RFT1: variants seen among roughly 807,000 people sequenced by gnomAD.
The protein encoded by RFT1 is RFT1 glycolipid translocator homolog, also known as man(5)GlcNAc(2)-PP-dolichol translocation protein RFT1.
RFT1 carries 43 observed loss-of-function variants against 62.2 expected under a neutral mutation model. That is an observed-to-expected ratio of 0.69 (90% confidence interval 0.54 to 0.89). The LOEUF (loss-of-function observed/expected upper bound fraction) is 0.89, where lower values mean the gene tolerates loss of function less well. RFT1 is among the 40% of genes least tolerant of loss of function. RFT1 has a pLI of 0.00. For synonymous variants in RFT1, 262 were observed against 264.6 expected, an observed-to-expected ratio of 0.99 and a Z score of 0.10; for missense variants, 605 against 649.9, an observed-to-expected ratio of 0.93 and a Z score of 0.75.
intron 11 of RFT1, among the ~76,000 whole-genome samples, chr3:53,096,400 G>A (rs1701139197): frequency 6.6e-6 from 1 of 151,938 alleles, no homozygotes; most frequent in Non-Finnish European, 1.5e-5. Flanking sequence ...AAAGCAACCA[G>A]GCCGGGCACG....
chr3:53,081,716 T>C, the RFT1 span, among the ~76,000 whole-genome samples: 1 of 152,326 alleles, frequency 6.6e-6, no homozygotes, highest in East Asian at 1.9e-4. Flanking sequence ...TCAGGGACCC[T>C]GGGATATACA....
the RFT1 span, among the ~76,000 whole-genome samples, chr3:53,068,254 C>T: frequency 1.3e-5 from 2 of 151,800 alleles, no homozygotes; most frequent in Non-Finnish European, 2.9e-5. Flanking sequence ...CTCCAAGCAC[C>T]AGCCCTGTCT....
downstream of RFT1, among the ~76,000 whole-genome samples, chr3:53,084,518 C>T (rs369520020): frequency 1.1e-4 from 17 of 152,328 alleles, no homozygotes; most frequent in African/African-American, 3.6e-4. Flanking sequence ...AAACATGCTG[C>T]TCAGTTGTCA....
At chr3:53,129,724 CATGTA>C (rs1702205097) in intron 1 of RFT1, among the ~76,000 whole-genome samples, 1 of 152,162 alleles carries the variant, frequency 6.6e-6, no homozygotes, top group Admixed American at 6.5e-5. Flanking sequence ...ATGCAGCCAA[CATGTA>C]TTAAATGCAT....
chr3:53,075,213 C>T, the RFT1 span, among the ~76,000 whole-genome samples: 3 of 152,328 alleles, frequency 2.0e-5, no homozygotes, highest in African/African-American at 7.2e-5. Context: ...GCCATGACAA[C>T]CACATACTTT....
chr3:53,077,046 A>C, the RFT1 span, among the ~76,000 whole-genome samples: 1 of 152,188 alleles, frequency 6.6e-6, no homozygotes, highest in Non-Finnish European at 1.5e-5. Context: ...GTATTGCTCA[A>C]CCTTAAAACT....
chr3:53,107,946 T>C (rs1398771157), intron 7 of RFT1, among the ~76,000 whole-genome samples: 1 of 152,208 alleles, frequency 6.6e-6, no homozygotes, highest in Non-Finnish European at 1.5e-5. Context: ...CCACTGTGTT[T>C]GTGGTAGGGA....
At chr3:53,121,903 G>A (rs1279241926) in intron 4 of RFT1, 103 bp from the exon 5 acceptor site, 5 of 915,544 alleles carry the variant, frequency 5.5e-6, no homozygotes, top group Admixed American at 4.0e-5. Context: ...CCCTGGCTGT[G>A]GGGGCAGGGC....
At chr3:53,103,776 T>C (rs1353133431) in intron 10 of RFT1, 177 bp downstream of exon 10, 1 of 776,914 alleles carries the variant, frequency 1.3e-6, no homozygotes, top group African/African-American at 1.7e-5. Flanking sequence ...CCCCTGCCTA[T>C]ACCTTGAGTG....
chr3:53,079,022 G>C, the RFT1 span, among the ~76,000 whole-genome samples: 1 of 152,212 alleles, frequency 6.6e-6, no homozygotes, highest in East Asian at 1.9e-4. Context: ...ATACAGTTCC[G>C]GGCTCTCCAG....
chr3:53,110,041 G>C (rs1178853593), intron 7 of RFT1, among the ~76,000 whole-genome samples: 1 of 152,122 alleles, frequency 6.6e-6, no homozygotes, highest in Admixed American at 6.5e-5. Flanking sequence ...CATTCAGGTC[G>C]AGCTCTGGAG....
rs144023531 is a variant in RFT1, at chr3:53,118,755, G to A, written c.696+1129C>T. On this transcript the variant is annotated intron_variant, in intron 6 of 12. Coordinates refer to ENST00000296292, the MANE Select transcript of RFT1 (RefSeq NM_052859.4). ...ATCACGTGTGCAGCTCTGGTGGCAT[G>A]GGCAGCAGCACTGACCCCAGAAGAG... Among the ~76,000 whole-genome samples, 682 of 152,252 alleles carry A rather than the reference G, an allele frequency of 4.5e-3. 5 individuals are homozygous for A. Among genetic ancestry groups the A allele is most frequent in the Middle Eastern group, 0.014 (4 of 294 alleles).
the RFT1 span, among the ~76,000 whole-genome samples, chr3:53,068,482 CACCACA>C: frequency 1.3e-5 from 2 of 152,242 alleles, no homozygotes; most frequent in African/African-American, 4.8e-5. Flanking sequence ...CTTTAATCCT[CACCACA>C]ACCCTGCAAG....
Position 53,122,317 on chromosome 3 carries a change from AAAC to A in RFT1, c.456+54_456+56del, listed in dbSNP as rs1465204518. On this transcript the variant is annotated intron_variant, in intron 4 of 12. Transcript: ENST00000296292. Reference sequence around the variant, plus strand: ...TCTCTCCTATAAAAGCATTTTTAAAAAACAACGCTTTTTCTTATTCTTCCCATT... The same window carrying A: ...TCTCTCCTATAAAAGCATTTTTAAAAAACGCTTTTTCTTATTCTTCCCATT... 5 of 1,542,556 alleles carry A rather than the reference AAAC, an allele frequency of 3.2e-6. No homozygotes were observed. In the African/African-American group the frequency reaches 6.8e-5, roughly 21 times the overall value.
At chr3:53,067,054 G>A in the RFT1 span, among the ~76,000 whole-genome samples, 7 of 152,238 alleles carry the variant, frequency 4.6e-5, no homozygotes, top group Non-Finnish European at 1.0e-4. Context: ...TTGGCTGGGC[G>A]CAGTGGCTCA....
At chr3:53,115,550 CCTTT>C (rs761385442) in intron 6 of RFT1, among the ~76,000 whole-genome samples, 1 of 152,150 alleles carries the variant, frequency 6.6e-6, no homozygotes, top group Non-Finnish European at 1.5e-5. Context: ...GCCACCTTTT[CCTTT>C]CTCTCCCTTC....
In RFT1 at chr3:53,123,760, C is replaced by T. The variant is rs766050302; in HGVS notation, c.230G>A (p.Arg77Gln). 9.3e-6 allele frequency: 15 copies of T among 1,614,062 alleles called. No homozygotes were observed. Among genetic ancestry groups the T allele is most frequent in the Middle Eastern group, 1.6e-4 (1 of 6,084 alleles). ...CAGGTTGAGGGTCTGGCTCCAGTCTCGCTGGGTGCCCCCACTGAGACATGC... is the reference window on the plus strand; with the variant it reads ...CAGGTTGAGGGTCTGGCTCCAGTCTTGCTGGGTGCCCCCACTGAGACATGC... ...RRACLSGGTQ[R>Q]DWSQTLNLLW... Residue 77 changes from arginine to glutamine, a missense_variant, in exon 3 of 13, where the codon CGA (arginine) becomes CAA (glutamine). Physicochemically the swap from Arg to Gln is conservative, Grantham distance 43. Coordinates refer to ENST00000296292, the MANE Select transcript of RFT1 (RefSeq NM_052859.4).
intron 6 of RFT1, among the ~76,000 whole-genome samples, chr3:53,118,319 AG>A (rs1384461258): frequency 6.6e-5 from 10 of 152,282 alleles, no homozygotes; most frequent in Admixed American, 5.2e-4. Flanking sequence ...CTCTGGGGGC[AG>A]GGGGCAGAAG....
intron 10 of RFT1, chr3:53,103,148 G>A: frequency 2.0e-6 from 2 of 985,368 alleles, no homozygotes; most frequent in Non-Finnish European, 1.2e-6. Context: ...CCAAAAGTTT[G>A]GGCCCCATTG....
Sources: allele counts gnomAD v4.1 joint callset (sites outside exome capture counted in the v4.1 genomes callset), GRCh38; gene constraint gnomAD v4.1.1; transcripts MANE v1.5; gene names NCBI Gene and HGNC (gene_info 2026-07-23, HGNC 2026-07-21).